TAOK1: variants seen among roughly 807,000 people sequenced by gnomAD.
TAOK1 encodes the protein serine/threonine-protein kinase TAO1.
Under a neutral mutation model 138.3 loss-of-function variants are expected in TAOK1, and 21 were observed. That is an observed-to-expected ratio of 0.15 (90% CI 0.11 to 0.22). The LOEUF is 0.22. TAOK1 is among the 10% of genes least tolerant of loss of function. The pLI is 1.00. For missense variants in TAOK1, 651 were observed against 1,227.7 expected, an observed-to-expected ratio of 0.53 and a Z score of 7.02; for synonymous variants, 361 against 398.4, an observed-to-expected ratio of 0.91 and a Z score of 1.12.
intron 1 of TAOK1, among the ~76,000 whole-genome samples, chr17:29,432,531 C>T: frequency 6.6e-6 from 1 of 152,210 alleles, no homozygotes; most frequent in Non-Finnish European, 1.5e-5. Flanking sequence ...GGGGTTTCAC[C>T]ATATTGGACA....
At chr17:29,448,972 G>T (rs779173198) in intron 1 of TAOK1, among the ~76,000 whole-genome samples, 2 of 152,122 alleles carry the variant, frequency 1.3e-5, no homozygotes. Flanking sequence ...TTCTAATAGA[G>T]TTAAGGTTTT....
At chr17:29,461,780 G>A (rs1010009521) in intron 2 of TAOK1, among the ~76,000 whole-genome samples, 2 of 151,874 alleles carry the variant, frequency 1.3e-5, no homozygotes, top group Admixed American at 6.6e-5. Flanking sequence ...TGATTTAGGG[G>A]GCCAGGAAAC....
intron 2 of TAOK1, among the ~76,000 whole-genome samples, chr17:29,455,397 T>C (rs918654488): frequency 4.0e-5 from 6 of 150,568 alleles, no homozygotes; most frequent in Non-Finnish European, 7.3e-5. Flanking sequence ...AATTTCTACG[T>C]ACAGTATTAT....
rs951149015 is a variant in TAOK1 at position 29,543,127 on chromosome 17, C to T, written c.*105C>T. ...TCACTTGGGTACTACAGTGTGGAAG[C>T]TGAGTGCATATGGTATATTTTATTC... On this transcript the variant is annotated 3_prime_UTR_variant, in exon 20 of 20. Coordinates refer to ENST00000261716, the MANE Select transcript of TAOK1 (RefSeq NM_020791.4). 15 of 921,784 alleles carry T rather than the reference C, an allele frequency of 1.6e-5. No individual in the cohort carries two copies. The highest frequency in any genetic ancestry group is 2.1e-5 in the Non-Finnish European group (13 of 628,290). 57.1% of individuals were successfully genotyped at this position (921,784 alleles called of 1,614,324 possible).
chr17:29,508,389 A>C (rs897376239), intron 14 of TAOK1, among the ~76,000 whole-genome samples: 1 of 152,198 alleles, frequency 6.6e-6, no homozygotes, highest in Non-Finnish European at 1.5e-5. Context: ...TGTTCATTGG[A>C]GTAGTCCACT....
At chr17:29,437,198 G>A (rs978227953) in intron 1 of TAOK1, among the ~76,000 whole-genome samples, 3 of 152,008 alleles carry the variant, frequency 2.0e-5, no homozygotes, top group Non-Finnish European at 4.4e-5. Flanking sequence ...CAACTAGCTG[G>A]GACTACAGGT....
At chr17:29,472,374 T>C (rs1365506662) in intron 3 of TAOK1, among the ~76,000 whole-genome samples, 1 of 148,618 alleles carries the variant, frequency 6.7e-6, no homozygotes, top group Non-Finnish European at 1.5e-5. Context: ...TGCCTCAGCC[T>C]CTCGAGTAAC....
chr17:29,413,562 C>A (rs1240284759), intron 1 of TAOK1, among the ~76,000 whole-genome samples: 1 of 152,148 alleles, frequency 6.6e-6, no homozygotes, highest in African/African-American at 2.4e-5. Flanking sequence ...CGCCACTGCA[C>A]TCCAGCCTGG....
chr17:29,391,407 C>T (rs919346227), intron 1 of TAOK1, among the ~76,000 whole-genome samples: 4 of 152,026 alleles, frequency 2.6e-5, no homozygotes, highest in Admixed American at 2.0e-4. Context: ...AGGGAGACTG[C>T]TCTGGGTGGC....
chr17:29,504,428 G>C (rs2153028918), intron 13 of TAOK1, among the ~76,000 whole-genome samples: 1 of 152,122 alleles, frequency 6.6e-6, no homozygotes. Flanking sequence ...CCAGCACTTT[G>C]GGAGGCTGAG....
At chr17:29,439,757 T>C (rs955858374) in intron 1 of TAOK1, among the ~76,000 whole-genome samples, 3 of 150,522 alleles carry the variant, frequency 2.0e-5, no homozygotes, top group African/African-American at 7.3e-5. Context: ...GGGCAAGGAC[T>C]ACCAATCTGT....
At chr17:29,400,539 A>G (rs940144061) in intron 1 of TAOK1, among the ~76,000 whole-genome samples, 1 of 152,038 alleles carries the variant, frequency 6.6e-6, no homozygotes, top group Non-Finnish European at 1.5e-5. Context: ...ATGCTCTTCT[A>G]CGCATTTTTA....
chr17:29,498,477 G>A lies in TAOK1; in HGVS notation c.1159G>A (p.Asp387Asn). The A allele has an allele frequency of 6.2e-7, 1 of 1,614,196 alleles. No individual in the cohort carries two copies. Among genetic ancestry groups the A allele is most frequent in the Non-Finnish European group, 8.5e-7 (1 of 1,180,032 alleles). The change falls in exon 12 of 20, where the codon GAC becomes AAC. Residue 387 changes from aspartate to asparagine, a missense_variant. This residue lies in a region of TAOK1 where 104 missense variants were observed against 151.7 expected (regional missense o/e 0.69). Transcript: ENST00000261716. ...DKSELDMMEG[D>N]HTVMSNSSVI... ...GAGTGAGCTAGACATGATGGAGGGA[G>A]ACCACACAGTGATGTCTAACAGTTC...
At chr17:29,412,378 T>C (rs1006653397) in intron 1 of TAOK1, among the ~76,000 whole-genome samples, 1 of 152,114 alleles carries the variant, frequency 6.6e-6, no homozygotes, top group African/African-American at 2.4e-5. Flanking sequence ...CCAGCACACT[T>C]TGCCTATGTT....
At chr17:29,441,090 C>T (rs538758426) in intron 1 of TAOK1, among the ~76,000 whole-genome samples, 4 of 152,196 alleles carry the variant, frequency 2.6e-5, no homozygotes, top group South Asian at 2.1e-4. Context: ...CAGGTATTTT[C>T]GTTGAGGATT....
chr17:29,507,865 C>T lies in TAOK1; in HGVS notation c.1339-31C>T. 3 of 1,584,366 alleles carry T rather than the reference C, an allele frequency of 1.9e-6. No individual in the cohort carries two copies. In the South Asian group the frequency reaches 3.4e-5, roughly 18 times the overall value. On this transcript the variant is annotated intron_variant, in intron 13 of 19. Coordinates refer to ENST00000261716, the MANE Select transcript of TAOK1 (RefSeq NM_020791.4). ...TTTTCGAAGAAGAATGTTTTATTTTCTTCTTTTCCTTACATTATTTGTATG... is the reference window on the plus strand; with the variant it reads ...TTTTCGAAGAAGAATGTTTTATTTTTTTCTTTTCCTTACATTATTTGTATG...
intron 6 of TAOK1, among the ~76,000 whole-genome samples, chr17:29,478,981 T>C (rs1365220982): frequency 6.6e-6 from 1 of 152,050 alleles, no homozygotes; most frequent in Non-Finnish European, 1.5e-5. Flanking sequence ...GAAAATTAGC[T>C]GGGCTTTGTT....
chr17:29,443,638 A>G (rs1467780287), intron 1 of TAOK1, among the ~76,000 whole-genome samples: 1 of 152,134 alleles, frequency 6.6e-6, no homozygotes, highest in Non-Finnish European at 1.5e-5. Context: ...TGTTGATGTG[A>G]TTGTTAGTTT....
At chr17:29,539,039 T>C (rs183544367) in intron 19 of TAOK1, among the ~76,000 whole-genome samples, 1 of 152,276 alleles carries the variant, frequency 6.6e-6, no homozygotes, top group East Asian at 1.9e-4. Flanking sequence ...GGCGGATCAC[T>C]TGGTGCTCAG....
Sources: allele counts gnomAD v4.1 joint callset (sites outside exome capture counted in the v4.1 genomes callset), GRCh38; gene constraint gnomAD v4.1.1; regional missense constraint gnomAD v4.1.1; transcripts MANE v1.5; gene names NCBI Gene and HGNC (gene_info 2026-07-23, HGNC 2026-07-21).